KCNH8: variants seen among roughly 807,000 people sequenced by gnomAD.
The protein encoded by KCNH8 is potassium voltage-gated channel subfamily H member 8, also known as voltage-gated delayed rectifier potassium channel KCNH8.
KCNH8 carries 70 observed loss-of-function variants against 103.6 expected under a neutral mutation model. That is an observed-to-expected ratio of 0.68 (90% confidence interval 0.56 to 0.82). KCNH8 has a LOEUF of 0.82. Ranked by LOEUF, KCNH8 falls within the 40% of genes least tolerant of loss-of-function variation. KCNH8 has a pLI of 0.00. For synonymous variants in KCNH8, 498 were observed against 489.4 expected, an observed-to-expected ratio of 1.02 and a Z score of -0.23; for missense variants, 1,217 against 1,329.9, an observed-to-expected ratio of 0.92 and a Z score of 1.32.
At chr3:19,374,969 A>T in intron 5 of KCNH8, among the ~76,000 whole-genome samples, 1 of 151,910 alleles carries the variant, frequency 6.6e-6, no homozygotes, top group Non-Finnish European at 1.5e-5. Context: ...TTCTGCCGAG[A>T]GATCCGCTGT....
intron 15 of KCNH8, among the ~76,000 whole-genome samples, chr3:19,526,029 T>C (rs1404709981): frequency 6.6e-6 from 1 of 151,932 alleles, no homozygotes; most frequent in African/African-American, 2.4e-5. Context: ...TGTTTGAACA[T>C]GTCTGAATCT....
intron 6 of KCNH8, chr3:19,391,896 C>G (rs1334527433): frequency 2.6e-5 from 4 of 151,826 alleles, no homozygotes; most frequent in African/African-American, 7.3e-5. Context: ...TGCAAGACTG[C>G]AGAATAAGTA....
chr3:19,455,821 G>A (rs1002602340), intron 10 of KCNH8, among the ~76,000 whole-genome samples: 1 of 152,060 alleles, frequency 6.6e-6, no homozygotes, highest in Non-Finnish European at 1.5e-5. Context: ...AGTATGAAAA[G>A]TATGATGACC....
At chr3:19,198,631 G>C (rs550240732) in intron 1 of KCNH8, among the ~76,000 whole-genome samples, 2 of 151,766 alleles carry the variant, frequency 1.3e-5, no homozygotes, top group African/African-American at 4.8e-5. Context: ...TATTTTGCAC[G>C]GACAGAATTA....
chr3:19,327,226 C>G (rs2065436600), intron 3 of KCNH8, among the ~76,000 whole-genome samples: 1 of 152,176 alleles, frequency 6.6e-6, no homozygotes, highest in Admixed American at 6.5e-5. Flanking sequence ...CAACCTCTAT[C>G]TATTGGTAGG....
chr3:19,375,795 C>T lies in KCNH8; in HGVS notation c.812-14686C>T, dbSNP rs923471574. 1.8e-3 allele frequency among the ~76,000 whole-genome samples: 279 copies of T among 152,074 alleles called. 1 individual carries two copies. Among genetic ancestry groups the T allele is most frequent in the Middle Eastern group, 3.4e-3 (1 of 294 alleles). ...ACAGATGGGTTTTTGGTGTGGATGTCCTTTCTGTTTGTTAGTTTTCCTTCT... is the reference window on the plus strand; with the variant it reads ...ACAGATGGGTTTTTGGTGTGGATGTTCTTTCTGTTTGTTAGTTTTCCTTCT... On this transcript the variant is annotated intron_variant, in intron 5 of 15. Coordinates refer to ENST00000328405, the MANE Select transcript of KCNH8 (RefSeq NM_144633.3).
intron 1 of KCNH8, among the ~76,000 whole-genome samples, chr3:19,191,467 A>G (rs1325867295): frequency 6.6e-6 from 1 of 151,990 alleles, no homozygotes; most frequent in East Asian, 1.9e-4. Flanking sequence ...AGTTCTTATC[A>G]GTTTAAGAAT....
At chr3:19,223,579 A>C (rs1401215240) in intron 1 of KCNH8, among the ~76,000 whole-genome samples, 1 of 152,056 alleles carries the variant, frequency 6.6e-6, no homozygotes, top group African/African-American at 2.4e-5. Context: ...TGTAAGTTAA[A>C]TGTGCTTATT....
At chr3:19,472,195 CGTGTGTGTGT>C (rs57766729) in intron 11 of KCNH8, among the ~76,000 whole-genome samples, 47,468 of 137,268 alleles carry the variant, frequency 0.35, 7,997 homozygotes, top group African/African-American at 0.39. Flanking sequence ...TCACTTCATT[CGTGTGTGTGT>C]GTGTGTGTGT....
intron 1 of KCNH8, among the ~76,000 whole-genome samples, chr3:19,202,861 T>C (rs754481866): frequency 5.9e-5 from 9 of 152,150 alleles, no homozygotes; most frequent in Non-Finnish European, 1.2e-4. Context: ...ACATGTAATG[T>C]GCACAAAAAG....
At chr3:19,244,167 C>T (rs1434641959) in intron 1 of KCNH8, among the ~76,000 whole-genome samples, 1 of 152,054 alleles carries the variant, frequency 6.6e-6, no homozygotes, top group Non-Finnish European at 1.5e-5. Flanking sequence ...CCCAGAAAAT[C>T]CAGGCCCTGT....
chr3:19,462,031 C>T (rs939766498), intron 11 of KCNH8, among the ~76,000 whole-genome samples: 2 of 152,154 alleles, frequency 1.3e-5, no homozygotes, highest in African/African-American at 4.8e-5. Context: ...TTTCTTAATC[C>T]AGTCTATCAT....
rs200367797 is a variant in KCNH8, at chr3:19,188,793, GTGTT to G, written c.76+40013_76+40016del. On this transcript the variant is annotated intron_variant, in intron 1 of 15. Transcript: ENST00000328405. Reference sequence around the variant, plus strand: ...AAGAAAACCAGCCTGTATTCCACAAGTGTTTGTTTGTTTGTTTGATTGATTTTGT... The same window carrying G: ...AAGAAAACCAGCCTGTATTCCACAAGTGTTTGTTTGTTTGATTGATTTTGT... Among the ~76,000 whole-genome samples the G allele has an allele frequency of 1.9e-3, 285 of 151,986 alleles. 5 individuals are homozygous for G. Among genetic ancestry groups the G allele is most frequent in the Admixed American group, 8.1e-3 (123 of 15,228 alleles).
intron 1 of KCNH8, among the ~76,000 whole-genome samples, chr3:19,194,235 G>A (rs2063579677): frequency 6.6e-6 from 1 of 151,838 alleles, no homozygotes. Flanking sequence ...ACCTTTGAAA[G>A]TGCTTTGCTG....
At chr3:19,230,857 T>G (rs2063986403) in intron 1 of KCNH8, among the ~76,000 whole-genome samples, 1 of 152,192 alleles carries the variant, frequency 6.6e-6, no homozygotes, top group Admixed American at 6.5e-5. Flanking sequence ...GAACGCAAAT[T>G]TGCAATATGT....
At chr3:19,510,082 G>C (rs559902669) in intron 11 of KCNH8, among the ~76,000 whole-genome samples, 1 of 152,186 alleles carries the variant, frequency 6.6e-6, no homozygotes, top group Non-Finnish European at 1.5e-5. Flanking sequence ...TATTTTTTAG[G>C]TGTGGTATCC....
intron 7 of KCNH8, among the ~76,000 whole-genome samples, chr3:19,411,100 A>C (rs2066771445): frequency 6.6e-6 from 1 of 152,042 alleles, no homozygotes; most frequent in South Asian, 2.1e-4. Context: ...TGATGAACAT[A>C]GAAACAACAA....
intron 11 of KCNH8, among the ~76,000 whole-genome samples, chr3:19,482,927 G>C (rs2068117078): frequency 6.6e-6 from 1 of 152,156 alleles, no homozygotes; most frequent in Non-Finnish European, 1.5e-5. Context: ...AAGACAGCTT[G>C]TAACCGTATG....
intron 1 of KCNH8, among the ~76,000 whole-genome samples, chr3:19,174,416 CA>C (rs1271589300): frequency 1.3e-5 from 2 of 152,222 alleles, no homozygotes; most frequent in Middle Eastern, 3.4e-3. Context: ...GACAAGTTCA[CA>C]TATCTTAGTA....
Sources: allele counts gnomAD v4.1 joint callset (sites outside exome capture counted in the v4.1 genomes callset), GRCh38; gene constraint gnomAD v4.1.1; transcripts MANE v1.5; gene names NCBI Gene and HGNC (gene_info 2026-07-23, HGNC 2026-07-21).